Variants in ADCY8 observed in about 807,000 individuals in gnomAD.
ADCY8 encodes the protein adenylate cyclase type 8.
A neutral mutation model predicts 119.7 loss-of-function variants in ADCY8; 51 were observed. That is an observed-to-expected ratio of 0.43 (90% CI 0.34 to 0.54). The LOEUF (loss-of-function observed/expected upper bound fraction) is 0.54. Ranked by LOEUF, ADCY8 falls within the 20% of genes least tolerant of loss-of-function variation. The pLI, the probability that ADCY8 is intolerant of heterozygous loss-of-function variation, is 0.03. For missense variants in ADCY8, 1,383 were observed against 1,598.8 expected, an observed-to-expected ratio of 0.87 and a Z score of 2.30; for synonymous variants, 665 against 651.0, an observed-to-expected ratio of 1.02 and a Z score of -0.33.
chr8:130,914,835 G>A (rs1366488578), intron 5 of ADCY8, among the ~76,000 whole-genome samples: 1 of 152,212 alleles, frequency 6.6e-6, no homozygotes, highest in East Asian at 1.9e-4. Flanking sequence ...GGATTCTGGA[G>A]GGCAGGGATG....
At chr8:130,941,063 T>C (rs1820940396) in intron 4 of ADCY8, among the ~76,000 whole-genome samples, 1 of 152,224 alleles carries the variant, frequency 6.6e-6, no homozygotes, top group African/African-American at 2.4e-5. Flanking sequence ...GCAAAAACAT[T>C]AGTGCTATCA....
chr8:130,856,965 G>A (rs528609914), intron 9 of ADCY8, among the ~76,000 whole-genome samples: 31 of 151,910 alleles, frequency 2.0e-4, no homozygotes, highest in African/African-American at 7.2e-4. Flanking sequence ...ATGGTAAAAC[G>A]AAGCATAAAT....
chr8:130,828,450 C>A (rs1278307272), intron 12 of ADCY8, among the ~76,000 whole-genome samples: 1 of 151,946 alleles, frequency 6.6e-6, no homozygotes, highest in Non-Finnish European at 1.5e-5. Context: ...TCTCTCTCTG[C>A]CCTTGGCCTG....
At chr8:130,830,278 T>C (rs1816792433) in intron 12 of ADCY8, among the ~76,000 whole-genome samples, 1 of 152,166 alleles carries the variant, frequency 6.6e-6, no homozygotes, top group Admixed American at 6.5e-5. Context: ...TGGCTCCATC[T>C]TCCCTTCTCT....
intron 6 of ADCY8, among the ~76,000 whole-genome samples, chr8:130,909,203 TA>T (rs1469549926): frequency 1.3e-5 from 2 of 152,214 alleles, no homozygotes; most frequent in Non-Finnish European, 2.9e-5. Flanking sequence ...TGCAGACCAC[TA>T]GCACCTTTGG....
chr8:130,797,856 T>C (rs941610718), intron 15 of ADCY8, among the ~76,000 whole-genome samples: 1 of 152,294 alleles, frequency 6.6e-6, no homozygotes, highest in Non-Finnish European at 1.5e-5. Flanking sequence ...ACGGTGACCA[T>C]GTTTGAGCTT....
intron 9 of ADCY8, among the ~76,000 whole-genome samples, chr8:130,857,623 TG>T (rs1226331888): frequency 6.6e-6 from 1 of 152,240 alleles, no homozygotes; most frequent in Non-Finnish European, 1.5e-5. Flanking sequence ...TTGATCCCAT[TG>T]GCAAGACCAT....
In ADCY8 at chr8:130,862,127, G is replaced by A. The variant is rs61263857; in HGVS notation, c.2210+5719C>T. Among the ~76,000 whole-genome samples, 304 of 152,032 alleles carry A rather than the reference G, an allele frequency of 2.0e-3. 2 individuals are homozygous for A. Among genetic ancestry groups the A allele is most frequent in the African/African-American group, 7.2e-3 (297 of 41,470 alleles). ...TGTTTATGTTTATGAGATATTGGTC[G>A]GTAGTAACTAGATTTTAATTTTGTT... On this transcript the variant is annotated intron_variant, in intron 9 of 17. Transcript: ENST00000286355.
At chr8:130,868,844 A>G (rs1174465284) in intron 8 of ADCY8, among the ~76,000 whole-genome samples, 1 of 152,168 alleles carries the variant, frequency 6.6e-6, no homozygotes, top group African/African-American at 2.4e-5. Context: ...TCTGATTTGC[A>G]TTTCATGGTT....
chr8:130,855,037 C>T (rs193011519), intron 9 of ADCY8, among the ~76,000 whole-genome samples: 108 of 151,306 alleles, frequency 7.1e-4, no homozygotes, highest in African/African-American at 2.5e-3. Flanking sequence ...CTTCGTTTAC[C>T]CTTCTTGGAG....
chr8:130,947,937 C>T (rs1210823569), intron 3 of ADCY8, among the ~76,000 whole-genome samples: 3 of 152,142 alleles, frequency 2.0e-5, no homozygotes, highest in Non-Finnish European at 1.5e-5. Context: ...TGTTCCCAGC[C>T]CACTTTGTTT....
chr8:130,917,630 C>A (rs960552045), intron 5 of ADCY8, among the ~76,000 whole-genome samples: 3 of 152,176 alleles, frequency 2.0e-5, no homozygotes, highest in African/African-American at 4.8e-5. Context: ...GTCAGGACAG[C>A]AGCTGTGCGC....
intron 2 of ADCY8, among the ~76,000 whole-genome samples, chr8:130,983,493 T>G (rs1034597237): frequency 6.6e-6 from 1 of 151,964 alleles, no homozygotes; most frequent in South Asian, 2.1e-4. Context: ...GGGAGACAGA[T>G]AGGGAACGAC....
chr8:130,981,711 AT>A (rs558889704), intron 2 of ADCY8, among the ~76,000 whole-genome samples: 20 of 152,318 alleles, frequency 1.3e-4, no homozygotes, highest in African/African-American at 4.1e-4. Context: ...AAAAATTTGT[AT>A]TGCTTGTGGA....
intron 8 of ADCY8, among the ~76,000 whole-genome samples, chr8:130,875,022 T>G (rs1464453762): frequency 6.6e-6 from 1 of 152,190 alleles, no homozygotes; most frequent in Non-Finnish European, 1.5e-5. Context: ...AATTCTATAT[T>G]ACACTGTTAT....
Position 130,870,494 on chromosome 8 carries a change from C to T in ADCY8, c.2110-2548G>A, listed in dbSNP as rs187931147. Among the ~76,000 whole-genome samples the T allele has an allele frequency of 9.0e-4, 137 of 152,278 alleles. No individual in the cohort carries two copies. In the South Asian group the frequency reaches 0.015, roughly 17 times the overall value. ...GTTGATTATCATCCGATGACCTTCT[C>T]TGCTTTATCTGGGAAAGTGGGTTTC... On this transcript the variant is annotated intron_variant, in intron 8 of 17. Transcript: ENST00000286355.
chr8:130,812,865 A>G (rs909882323), intron 14 of ADCY8, among the ~76,000 whole-genome samples: 3 of 152,218 alleles, frequency 2.0e-5, no homozygotes, highest in Admixed American at 6.5e-5. Flanking sequence ...ATATGCATAC[A>G]TACATTTATG....
chr8:130,989,097 A>G (rs556657403), intron 2 of ADCY8, among the ~76,000 whole-genome samples: 3 of 152,308 alleles, frequency 2.0e-5, no homozygotes, highest in Admixed American at 6.5e-5. Flanking sequence ...CTTCTTTCTT[A>G]AAGTTATTTT....
chr8:130,794,877 G>C (rs1393267198), intron 15 of ADCY8, among the ~76,000 whole-genome samples: 1 of 152,208 alleles, frequency 6.6e-6, no homozygotes, highest in Non-Finnish European at 1.5e-5. Flanking sequence ...AGGACATAGA[G>C]TGAGAAAATG....
Sources: allele counts gnomAD v4.1 joint callset (sites outside exome capture counted in the v4.1 genomes callset), GRCh38; gene constraint gnomAD v4.1.1; transcripts MANE v1.5; gene names NCBI Gene and HGNC (gene_info 2026-07-23, HGNC 2026-07-21).